CEP57: variants seen among roughly 807,000 people sequenced by gnomAD.
CEP57 encodes the protein centrosomal protein 57.
CEP57 carries 40 observed loss-of-function variants against 68.0 expected under a neutral mutation model. That is an observed-to-expected ratio of 0.59 (90% CI 0.46 to 0.77). CEP57 has a LOEUF of 0.77. Ranked by LOEUF, CEP57 falls within the 30% of genes least tolerant of loss-of-function variation. CEP57 has a pLI of 0.00. For synonymous variants in CEP57, 219 were observed against 198.7 expected (o/e 1.10, Z -0.86); for missense variants, 606 against 580.7 (o/e 1.04, Z -0.45).
chr11:95,794,398 G>A, intron 1 of CEP57: 2 of 446,564 alleles, frequency 4.5e-6, no homozygotes, highest in Non-Finnish European at 9.0e-6. Context: ...ATACTAAATT[G>A]TTTTACCAAG....
rs185946726 is a variant in CEP57, at chr11:95,799,335, T to C, written c.149T>C (p.Leu50Pro). The change falls in exon 2 of 11, where the codon CTA (leucine) becomes CCA (proline). Residue 50 changes from leucine to proline, a missense_variant. Coordinates refer to ENST00000325542, the MANE Select transcript of CEP57 (RefSeq NM_014679.5). ...PSDKPFLNSDLRRSPSKPTLA... is the reference protein window; with the variant it reads ...PSDKPFLNSDPRRSPSKPTLA... Reference sequence around the variant, plus strand: ...GATAAGCCTTTCCTTAATAGTGATCTACGACGCTCCCCAAGTAAGCCTACA... The same window carrying C: ...GATAAGCCTTTCCTTAATAGTGATCCACGACGCTCCCCAAGTAAGCCTACA... 1 of 1,614,100 alleles carries C rather than the reference T, an allele frequency of 6.2e-7. No homozygotes were observed. Among genetic ancestry groups the C allele is most frequent in the Non-Finnish European group, 8.5e-7 (1 of 1,179,990 alleles).
At chr11:95,816,910 C>T (rs1475399635) in intron 4 of CEP57, among the ~76,000 whole-genome samples, 1 of 151,564 alleles carries the variant, frequency 6.6e-6, no homozygotes, top group Non-Finnish European at 1.5e-5. Context: ...ACTCAGGAGG[C>T]TCAGGCAGGA....
rs756415003 is a variant in CEP57, at chr11:95,790,653, C to T, written c.-46C>T. ...CGAGTCTTGGAGAAGAGCACGAGAA[C>T]CTAGACCGCCCCCGAAGTGCGGAGA... On this transcript the variant is annotated 5_prime_UTR_variant, in exon 1 of 11. Transcript: ENST00000325542. 1.9e-6 allele frequency: 3 copies of T among 1,606,316 alleles called. No individual in the cohort carries two copies. The highest frequency in any genetic ancestry group is 2.2e-5 in the South Asian group (2 of 89,702).
chr11:95,815,170 TG>T (rs1367955823), intron 4 of CEP57: 1 of 152,246 alleles, frequency 6.6e-6, no homozygotes, highest in African/African-American at 2.4e-5. Flanking sequence ...TTACCGTGTA[TG>T]CTTTCTACCC....
chr11:95,799,260 A>G lies in CEP57; in HGVS notation c.74A>G (p.Asn25Ser). The G allele has an allele frequency of 6.2e-7, 1 of 1,614,152 alleles. No individual in the cohort carries two copies. Among genetic ancestry groups the G allele is most frequent in the Non-Finnish European group, 8.5e-7 (1 of 1,180,006 alleles). The change falls in exon 2 of 11, where the codon AAT becomes AGT. Residue 25 changes from asparagine to serine, a missense_variant. By Grantham distance (46) the Asn-to-Ser change is conservative. Coordinates refer to ENST00000325542, the MANE Select transcript of CEP57 (RefSeq NM_014679.5). Reference sequence around the variant, plus strand: ...AGCTTTGCTGAGCCATCAAGGTCTAATGGAAGCATGGTTCGGCATTCTTCA... The same window carrying G: ...AGCTTTGCTGAGCCATCAAGGTCTAGTGGAAGCATGGTTCGGCATTCTTCA... ...SNSFAEPSRS[N>S]GSMVRHSSSP...
chr11:95,809,206 T>C (rs1443051018), intron 2 of CEP57, among the ~76,000 whole-genome samples: 3 of 151,814 alleles, frequency 2.0e-5, no homozygotes, highest in African/African-American at 7.3e-5. Context: ...CAAAGCAGTG[T>C]GTAGAGGGAA....
intron 1 of CEP57, among the ~76,000 whole-genome samples, chr11:95,797,795 TGTTA>T (rs1157580449): frequency 6.6e-6 from 1 of 152,214 alleles, no homozygotes; most frequent in Non-Finnish European, 1.5e-5. Flanking sequence ...GGAACTAGTT[TGTTA>T]GTTAATCACA....
chr11:95,812,305 T>C lies in CEP57; in HGVS notation c.203-627T>C, dbSNP rs139457930. Among the ~76,000 whole-genome samples the C allele has an allele frequency of 5.9e-3, 905 of 152,298 alleles. 14 individuals carry two copies. Among genetic ancestry groups the C allele is most frequent in the African/African-American group, 0.02 (839 of 41,578 alleles). ...ACAGTAATGTACTTTAGGACTGTTATGTGAACTTTGTATGATTGGCTAAAT... is the reference window on the plus strand; with the variant it reads ...ACAGTAATGTACTTTAGGACTGTTACGTGAACTTTGTATGATTGGCTAAAT... On this transcript the variant is annotated intron_variant, in intron 2 of 10. Transcript: ENST00000325542.
chr11:95,818,947 C>A, intron 6 of CEP57, 43 bp downstream of exon 6: 3 of 1,437,442 alleles, frequency 2.1e-6, no homozygotes, highest in Non-Finnish European at 2.9e-6. Context: ...TATTTCTTAC[C>A]GCTTTTTGTG....
intron 10 of CEP57, 65 bp downstream of exon 10, chr11:95,829,396 T>C: frequency 1.4e-6 from 2 of 1,453,510 alleles, no homozygotes; most frequent in South Asian, 2.3e-5. Context: ...TTAATTCAAA[T>C]ATTAAATGAT....
chr11:95,792,246 A>T (rs1565306621), intron 1 of CEP57, among the ~76,000 whole-genome samples: 1 of 152,212 alleles, frequency 6.6e-6, no homozygotes, highest in Non-Finnish European at 1.5e-5. Context: ...ATGAGATTTT[A>T]TAGGAGATGT....
At chr11:95,828,114 C>A in intron 9 of CEP57, 87 bp downstream of exon 9, 1 of 1,476,448 alleles carries the variant, frequency 6.8e-7, no homozygotes, top group East Asian at 2.5e-5. Flanking sequence ...ATCTTACTTT[C>A]CTTTGTTGAG....
rs1459480667 is a variant in CEP57 at position 95,829,340 on chromosome 11, GTT to G, written c.1272+12_1272+13del. The G allele has an allele frequency of 1.9e-6, 3 of 1,609,422 alleles. No individual in the cohort carries two copies. The highest frequency in any genetic ancestry group is 1.7e-6 in the Non-Finnish European group (2 of 1,177,620). On this transcript the variant is annotated intron_variant, in intron 10 of 10. Transcript: ENST00000325542. ...GAAAATACCAAGCCCAGGTAACTCA[GTT>G]TTCCTTCACTCAAGTTTCTAATGAT...
intron 1 of CEP57, among the ~76,000 whole-genome samples, chr11:95,792,976 T>C (rs565074754): frequency 3.2e-4 from 49 of 152,302 alleles, no homozygotes; most frequent in African/African-American, 1.2e-3. Flanking sequence ...ACAACTCGTA[T>C]TCAGATTTCA....
At position 95,813,107 on chromosome 11, in the gene CEP57, T is replaced by G. The variant is rs1233148579; in HGVS notation, c.378T>G (p.Asn126Lys). The G allele has an allele frequency of 1.9e-6, 3 of 1,612,258 alleles. No homozygotes were observed. Among genetic ancestry groups the G allele is most frequent in the Middle Eastern group, 2.0e-4 (1 of 4,884 alleles). Residue 126 changes from asparagine to lysine, a missense_variant, in exon 3 of 11, where the codon AAT becomes AAG. Asn to Lys is a moderately conservative substitution (Grantham distance 94). Transcript: ENST00000325542. ...CAAAGAATGAGGAATCAAAGCACAATCAAGGTTTGTTGATGAAGAAAATTA... is the reference window on the plus strand; with the variant it reads ...CAAAGAATGAGGAATCAAAGCACAAGCAAGGTTTGTTGATGAAGAAAATTA... ...ENSKNEESKH[N>K]QELTSQLLAA...
At chr11:95,791,374 A>G (rs1346750042) in intron 1 of CEP57, among the ~76,000 whole-genome samples, 2 of 152,174 alleles carry the variant, frequency 1.3e-5, no homozygotes, top group African/African-American at 2.4e-5. Context: ...TCGCCTCATC[A>G]AATGTCACCA....
intron 2 of CEP57, 64 bp downstream of exon 2, chr11:95,799,452 T>C (rs1861483474): frequency 1.9e-6 from 3 of 1,592,276 alleles, no homozygotes; most frequent in East Asian, 4.5e-5. Flanking sequence ...TTCTTAACTT[T>C]GTCCTCCATT....
intron 2 of CEP57, 132 bp downstream of exon 2, chr11:95,799,520 A>T: frequency 2.8e-6 from 3 of 1,072,160 alleles, no homozygotes; most frequent in Non-Finnish European, 4.2e-6. Context: ...GCCCCCAGAA[A>T]ATATTATGCT....
chr11:95,790,522 G>A lies in CEP57; in HGVS notation c.-177G>A. ...CCTTTCTGTGTAAGCTGTGAGCGTA[G>A]GCGGCCCTGAGGGGGTGTGTTGCAG... On this transcript the variant is annotated 5_prime_UTR_variant, in exon 1 of 11. Transcript: ENST00000325542. 1 of 659,626 alleles carries A rather than the reference G, an allele frequency of 1.5e-6. No individual in the cohort carries two copies. The allele number at this position is 659,626 out of a possible 1,614,324, so 40.9% of individuals were successfully genotyped here. A position where few individuals can be genotyped will look rare whatever the true frequency, so the allele number is the denominator to read the frequency against.
Sources: gnomAD v4.1 joint callset for allele counts (sites outside exome capture counted in the v4.1 genomes callset) on GRCh38, gnomAD v4.1.1 for gene constraint, MANE v1.5 for transcripts, NCBI Gene and HGNC (gene_info 2026-07-23, HGNC 2026-07-21) for gene names.